The following CNTNAP5 variants were observed in gnomAD, a reference collection of about 807,000 sequenced individuals.
CNTNAP5 encodes contactin associated protein family member 5.
A neutral mutation model predicts 150.2 loss-of-function variants in CNTNAP5; 72 were observed. The ratio of observed to expected loss-of-function variants is 0.48; its 90% confidence interval spans 0.40 to 0.58. The LOEUF (loss-of-function observed/expected upper bound fraction) is 0.58, where lower values mean the gene tolerates loss of function less well. CNTNAP5 is among the 20% of genes least tolerant of loss of function. CNTNAP5 has a pLI of 0.00. For missense variants in CNTNAP5, 1,636 were observed against 1,626.2 expected, an observed-to-expected ratio of 1.01 and a Z score of -0.10; for synonymous variants, 672 against 619.8, an observed-to-expected ratio of 1.08 and a Z score of -1.25.
intron 13 of CNTNAP5, among the ~76,000 whole-genome samples, chr2:124,700,663 T>C (rs1679502181): frequency 6.6e-6 from 1 of 152,132 alleles, no homozygotes; most frequent in South Asian, 2.1e-4. Context: ...TTGCATTACT[T>C]TTCTTTGTGT....
intron 21 of CNTNAP5, among the ~76,000 whole-genome samples, chr2:124,878,789 TCTC>T (rs1442192650): frequency 6.6e-6 from 1 of 151,902 alleles, no homozygotes; most frequent in African/African-American, 2.4e-5. Context: ...TTCAAGCTAT[TCTC>T]CTGTCCCAGC....
At chr2:124,204,252 T>C (rs778216770) in intron 1 of CNTNAP5, among the ~76,000 whole-genome samples, 13 of 152,130 alleles carry the variant, frequency 8.5e-5, no homozygotes, top group Non-Finnish European at 1.6e-4. Flanking sequence ...CATAACAAGA[T>C]TCACCTTTTC....
intron 3 of CNTNAP5, among the ~76,000 whole-genome samples, chr2:124,376,686 A>C (rs921832785): frequency 6.6e-6 from 1 of 152,072 alleles, no homozygotes; most frequent in African/African-American, 2.4e-5. Context: ...ATTCCATGCT[A>C]ATATCCAATT....
At chr2:124,768,307 G>GTGTGTATGTATA (rs761983407) in intron 16 of CNTNAP5, among the ~76,000 whole-genome samples, 25 of 144,734 alleles carry the variant, frequency 1.7e-4, no homozygotes, top group African/African-American at 5.1e-4. Flanking sequence ...GTGTGTGTGT[G>GTGTGTATGTATA]TGTATATGTA....
chr2:124,853,777 A>G (rs979088023), intron 19 of CNTNAP5, among the ~76,000 whole-genome samples: 3 of 152,100 alleles, frequency 2.0e-5, no homozygotes, highest in Admixed American at 6.6e-5. Context: ...CTAGTATCCA[A>G]TAGTTGTTTT....
intron 13 of CNTNAP5, among the ~76,000 whole-genome samples, chr2:124,677,477 G>A (rs535137600): frequency 1.2e-3 from 179 of 152,284 alleles, no homozygotes; most frequent in African/African-American, 2.8e-3. Context: ...ATTTGGCCCC[G>A]CCCACATCCT....
At chr2:124,426,762 A>G (rs2104787272) in intron 4 of CNTNAP5, among the ~76,000 whole-genome samples, 1 of 152,304 alleles carries the variant, frequency 6.6e-6, no homozygotes, top group East Asian at 1.9e-4. Context: ...CAAATATGCC[A>G]GCATATGCCT....
At chr2:124,082,425 T>C (rs1267416194) in intron 1 of CNTNAP5, among the ~76,000 whole-genome samples, 1 of 151,912 alleles carries the variant, frequency 6.6e-6, no homozygotes, top group East Asian at 1.9e-4. Flanking sequence ...TTTAACTTAA[T>C]TCTCTAGAGA....
At chr2:124,890,748 A>C (rs1678176663) in intron 21 of CNTNAP5, among the ~76,000 whole-genome samples, 1 of 152,158 alleles carries the variant, frequency 6.6e-6, no homozygotes, top group African/African-American at 2.4e-5. Flanking sequence ...ACAATACATT[A>C]GTGCAGGAAG....
At chr2:124,793,411 T>C (rs926621294) in intron 18 of CNTNAP5, among the ~76,000 whole-genome samples, 2 of 152,210 alleles carry the variant, frequency 1.3e-5, no homozygotes, top group Non-Finnish European at 2.9e-5. Flanking sequence ...TAATAATTTG[T>C]CGTATGTTTG....
chr2:124,102,827 G>A (rs1487361778), intron 1 of CNTNAP5, among the ~76,000 whole-genome samples: 2 of 152,142 alleles, frequency 1.3e-5, no homozygotes. Context: ...AGCTGAATCA[G>A]GTAAAGCACT....
intron 2 of CNTNAP5, among the ~76,000 whole-genome samples, chr2:124,240,655 G>A (rs1052180951): frequency 7.6e-6 from 1 of 130,940 alleles, no homozygotes; most frequent in African/African-American, 2.8e-5. Flanking sequence ...CTCAGGAATG[G>A]TGAGAAAAAA....
At chr2:124,061,815 A>T (rs377098225) in intron 1 of CNTNAP5, among the ~76,000 whole-genome samples, 2 of 152,202 alleles carry the variant, frequency 1.3e-5, no homozygotes, top group Admixed American at 6.5e-5. Flanking sequence ...TCAACCTGCT[A>T]TTTCTTTTCC....
intron 12 of CNTNAP5, among the ~76,000 whole-genome samples, chr2:124,647,339 G>A (rs1191516031): frequency 2.0e-5 from 3 of 152,222 alleles, no homozygotes. Context: ...TTGTGAGGAA[G>A]TGTGTCAGTA....
chr2:124,177,403 C>A (rs1295692842), intron 1 of CNTNAP5, among the ~76,000 whole-genome samples: 1 of 152,100 alleles, frequency 6.6e-6, no homozygotes, highest in Non-Finnish European at 1.5e-5. Flanking sequence ...ACTTCCAAAA[C>A]AACTTCTGGG....
intron 3 of CNTNAP5, among the ~76,000 whole-genome samples, chr2:124,367,508 G>T (rs1690407863): frequency 6.6e-6 from 1 of 152,090 alleles, no homozygotes; most frequent in Admixed American, 6.5e-5. Context: ...TCCCTCCCAT[G>T]ACACATGGGA....
chr2:124,617,478 G>C (rs1440837271), intron 12 of CNTNAP5, among the ~76,000 whole-genome samples: 2 of 152,044 alleles, frequency 1.3e-5, no homozygotes, highest in Non-Finnish European at 2.9e-5. Flanking sequence ...CTGCCTTCTA[G>C]AGATTGCTAC....
intron 3 of CNTNAP5, among the ~76,000 whole-genome samples, chr2:124,264,389 TACACACAC>T (rs200429155): frequency 0.071 from 8,958 of 126,308 alleles, 360 homozygotes; most frequent in Non-Finnish European, 0.1. Context: ...CACACACACA[TACACACAC>T]ACACACACAC....
chr2:124,251,124 G>A (rs932400909), intron 3 of CNTNAP5, among the ~76,000 whole-genome samples: 30 of 152,252 alleles, frequency 2.0e-4, no homozygotes, highest in African/African-American at 6.0e-4. Flanking sequence ...CCAAAGGACC[G>A]TTCTGCTGCT....
Sources: allele counts gnomAD v4.1 joint callset (sites outside exome capture counted in the v4.1 genomes callset), GRCh38; gene constraint gnomAD v4.1.1; transcripts MANE v1.5; gene names NCBI Gene and HGNC (gene_info 2026-07-23, HGNC 2026-07-21).